The following TMC1 variants were observed in gnomAD, a reference collection of about 807,000 sequenced individuals.
TMC1 encodes transmembrane channel-like protein 1.
A neutral mutation model predicts 105.8 loss-of-function variants in TMC1; 84 were observed. The ratio of observed to expected loss-of-function variants is 0.79; its 90% CI spans 0.67 to 0.95. The LOEUF is 0.95. TMC1 is among the 40% of genes least tolerant of loss of function. The pLI is 0.00. For synonymous variants in TMC1, 315 were observed against 311.5 expected, an observed-to-expected ratio of 1.01 and a Z score of -0.12; for missense variants, 817 against 914.1, an observed-to-expected ratio of 0.89 and a Z score of 1.37.
chr9:72,818,951 C>T (rs568133397), intron 19 of TMC1, among the ~76,000 whole-genome samples: 1 of 152,164 alleles, frequency 6.6e-6, no homozygotes, highest in African/African-American at 2.4e-5. Flanking sequence ...CATATACATA[C>T]AAACAATGTG....
intron 19 of TMC1, among the ~76,000 whole-genome samples, chr9:72,816,804 G>C (rs1828795391): frequency 6.6e-6 from 1 of 152,040 alleles, no homozygotes; most frequent in South Asian, 2.1e-4. Context: ...TATCAAATTA[G>C]AGCATTCTCA....
At chr9:72,608,961 A>G (rs1824975108) in intron 2 of TMC1, among the ~76,000 whole-genome samples, 2 of 152,034 alleles carry the variant, frequency 1.3e-5, no homozygotes, top group Admixed American at 6.6e-5. Flanking sequence ...CTTTTCTCCA[A>G]ATAAAAACAA....
chr9:72,792,137 T>C (rs1037357856), intron 16 of TMC1, 54 bp from the exon 17 acceptor site: 4 of 1,613,706 alleles, frequency 2.5e-6, no homozygotes, highest in Middle Eastern at 3.3e-4. Flanking sequence ...TTGCCAGAAA[T>C]GCCTTTGAAA....
At chr9:72,565,545 A>G (rs1398922096) in intron 1 of TMC1, among the ~76,000 whole-genome samples, 3 of 152,182 alleles carry the variant, frequency 2.0e-5, no homozygotes, top group Non-Finnish European at 4.4e-5. Context: ...ATATTTGAGA[A>G]TTAATAATTG....
At chr9:72,658,251 A>C (rs1390539735) in intron 5 of TMC1, among the ~76,000 whole-genome samples, 1 of 152,138 alleles carries the variant, frequency 6.6e-6, no homozygotes, top group Non-Finnish European at 1.5e-5. Flanking sequence ...TTGGGGGTGC[A>C]GGATATAAAG....
intron 5 of TMC1, among the ~76,000 whole-genome samples, chr9:72,657,439 G>T (rs887307000): frequency 6.6e-6 from 1 of 152,066 alleles, no homozygotes; most frequent in African/African-American, 2.4e-5. Context: ...GCTGGGAGCA[G>T]AATTCCAATA....
At chr9:72,699,337 A>T (rs1826603664) in intron 7 of TMC1, among the ~76,000 whole-genome samples, 1 of 152,140 alleles carries the variant, frequency 6.6e-6, no homozygotes, top group South Asian at 2.1e-4. Flanking sequence ...CACCAAATAT[A>T]TTTCAAGGTG....
At chr9:72,645,387 G>T (rs920602415) in intron 4 of TMC1, among the ~76,000 whole-genome samples, 1 of 152,156 alleles carries the variant, frequency 6.6e-6, no homozygotes, top group African/African-American at 2.4e-5. Flanking sequence ...ATTAATAGGA[G>T]ATGAAACATG....
At position 72,742,488 on chromosome 9, in the gene TMC1, G is replaced by A. The variant is rs370032879; in HGVS notation, c.498G>A (p.Ala166=). ...FLRDFENFKA[A]CVPWENKIKA... ...GTGATTTTGAGAACTTCAAAGCTGC[G>A]TGTGTCCCATGGGAAAATAAAATCA... Residue 166 remains alanine (A), a synonymous_variant, in exon 10 of 24, where the codon GCG becomes GCA. Transcript: ENST00000297784. 43 of 1,613,986 alleles carry A rather than the reference G, an allele frequency of 2.7e-5. No homozygotes were observed. The highest frequency in any genetic ancestry group is 2.4e-4 in the African/African-American group (18 of 74,906).
chr9:72,755,810 A>G (rs1827669193), intron 12 of TMC1, among the ~76,000 whole-genome samples: 1 of 152,198 alleles, frequency 6.6e-6, no homozygotes, highest in Admixed American at 6.5e-5. Flanking sequence ...TAGTGTTAAT[A>G]TGTATATCTC....
chr9:72,748,771 T>C (rs982614344), intron 10 of TMC1, among the ~76,000 whole-genome samples: 1 of 152,196 alleles, frequency 6.6e-6, no homozygotes. Flanking sequence ...GACAACTTGT[T>C]GTTTCATTTT....
chr9:72,819,202 A>G (rs898401554), intron 19 of TMC1, among the ~76,000 whole-genome samples: 1 of 152,216 alleles, frequency 6.6e-6, no homozygotes. Context: ...CTATCACACT[A>G]GCAGAGAATG....
intron 11 of TMC1, among the ~76,000 whole-genome samples, chr9:72,752,447 A>AAC (rs10640023): frequency 0.14 from 20,489 of 149,096 alleles, 1,575 homozygotes; most frequent in African/African-American, 0.22. Flanking sequence ...TAATGCCCAC[A>AAC]ACACACACAC....
At chr9:72,657,423 A>G (rs940761848) in intron 5 of TMC1, among the ~76,000 whole-genome samples, 12 of 152,244 alleles carry the variant, frequency 7.9e-5, no homozygotes, top group Non-Finnish European at 1.5e-4. Context: ...TAGTTACTGC[A>G]TTGTGGCTGG....
intron 23 of TMC1, among the ~76,000 whole-genome samples, chr9:72,831,375 G>C (rs928749286): frequency 1.3e-5 from 2 of 151,860 alleles, no homozygotes; most frequent in Non-Finnish European, 2.9e-5. Context: ...TAATTTATTC[G>C]ACCACACAAA....
At chr9:72,761,247 G>A (rs1827751065) in intron 12 of TMC1, among the ~76,000 whole-genome samples, 1 of 152,130 alleles carries the variant, frequency 6.6e-6, no homozygotes, top group Non-Finnish European at 1.5e-5. Flanking sequence ...TACCTGGAGA[G>A]ACAAGGGTGA....
At chr9:72,830,738 C>CTTTTTTTTTTTTTTTTTCTT in intron 23 of TMC1, 56 bp downstream of exon 23, 1 of 1,146,926 alleles carries the variant, frequency 8.7e-7, no homozygotes, top group Non-Finnish European at 1.2e-6. Context: ...CTTTTTCTTT[C>CTTTTTTTTTTTTTTTTTCTT]TTTTTTTTTT....
chr9:72,827,114 T>G lies in TMC1; in HGVS notation c.2129+120T>G. 3 of 1,310,666 alleles carry G rather than the reference T, an allele frequency of 2.3e-6. No homozygotes were observed. In the South Asian group the frequency reaches 3.5e-5, roughly 16 times the overall value. The allele number at this position is 1,310,666 out of a possible 1,614,324, so 81.2% of individuals were successfully genotyped here. On this transcript the variant is annotated intron_variant, in intron 21 of 23. Transcript: ENST00000297784. ...GGGTTCTGCTGTAACCTATCCAAATTCAACACTGATTACATGGTGGTGAGA... is the reference window on the plus strand; with the variant it reads ...GGGTTCTGCTGTAACCTATCCAAATGCAACACTGATTACATGGTGGTGAGA...
intron 2 of TMC1, among the ~76,000 whole-genome samples, chr9:72,596,426 C>T (rs571331014): frequency 6.6e-6 from 1 of 151,744 alleles, no homozygotes; most frequent in Non-Finnish European, 1.5e-5. Flanking sequence ...GTCCCACTCA[C>T]CACAAAGCCA....
Sources: gnomAD v4.1 joint callset for allele counts (sites outside exome capture counted in the v4.1 genomes callset) on GRCh38, gnomAD v4.1.1 for gene constraint, MANE v1.5 for transcripts, NCBI Gene and HGNC (gene_info 2026-07-23, HGNC 2026-07-21) for gene names.